Variants in ARMC9 observed in about 807,000 individuals in gnomAD.
ARMC9 encodes the protein lisH domain-containing protein ARMC9.
ARMC9 carries 94 observed loss-of-function variants against 107.0 expected under a neutral mutation model. That is an observed-to-expected ratio of 0.88 (90% CI 0.74 to 1.04). The LOEUF (loss-of-function observed/expected upper bound fraction) is 1.04. Ranked by LOEUF, ARMC9 falls within the 50% of genes least tolerant of loss-of-function variation. ARMC9 has a pLI of 0.00. For missense variants in ARMC9, 942 were observed against 1,030.1 expected, an observed-to-expected ratio of 0.91 and a Z score of 1.17; for synonymous variants, 380 against 396.9, an observed-to-expected ratio of 0.96 and a Z score of 0.51.
chr2:231,274,236 A>G (rs185999624), intron 14 of ARMC9, among the ~76,000 whole-genome samples: 2 of 152,000 alleles, frequency 1.3e-5, no homozygotes, highest in African/African-American at 4.8e-5. Flanking sequence ...TCCTGCCTCA[A>G]ACTCCTGGGT....
Position 231,276,624 on chromosome 2 carries a change from C to CT in ARMC9, c.1335-9dup. 1 of 1,614,114 alleles carries CT rather than the reference C, an allele frequency of 6.2e-7. No individual in the cohort carries two copies. Among genetic ancestry groups the CT allele is most frequent in the Non-Finnish European group, 8.5e-7 (1 of 1,180,010 alleles). ...TGGCAGTTTGTATTTACCGTAGGCT[C>CT]TTTCTTCCCAGGCGCCCGCTGCAGA... On this transcript the variant is annotated splice_polypyrimidine_tract_variant and intron_variant, in intron 14 of 24. Coordinates refer to ENST00000611582, the MANE Select transcript of ARMC9 (RefSeq NM_001352754.2).
At chr2:231,200,842 GAA>G (rs992109438) in intron 1 of ARMC9, among the ~76,000 whole-genome samples, 2 of 96,976 alleles carry the variant, frequency 2.1e-5, no homozygotes. Flanking sequence ...CTCAGAAAAA[GAA>G]AAAAAAAAAA....
At position 231,216,171 on chromosome 2, in the gene ARMC9, CT is replaced by C. The variant is rs138730436; in HGVS notation, c.349-463del. On this transcript the variant is annotated intron_variant, in intron 4 of 24. Coordinates refer to ENST00000611582, the MANE Select transcript of ARMC9 (RefSeq NM_001352754.2). ...AGAAAGGAAAGGAGTGACTTGGAAGCTTTTGTTTCCAACACCATAAAGAAAT... is the reference window on the plus strand; with the variant it reads ...AGAAAGGAAAGGAGTGACTTGGAAGCTTTGTTTCCAACACCATAAAGAAAT... 4.3e-3 allele frequency among the ~76,000 whole-genome samples: 658 copies of C among 152,296 alleles called. 2 individuals carry two copies. The highest frequency in any genetic ancestry group is 0.015 in the African/African-American group (642 of 41,556).
In ARMC9 at chr2:231,279,249, T is replaced by A. The variant is rs1275875007; in HGVS notation, c.1551+791T>A. On this transcript the variant is annotated intron_variant, in intron 16 of 24. Coordinates refer to ENST00000611582, the MANE Select transcript of ARMC9 (RefSeq NM_001352754.2). ...GGTGTTATTTTCTAAGTTTTTAACCTATGGGCCCCAAGCACTTTTTAAATA... is the reference window on the plus strand; with the variant it reads ...GGTGTTATTTTCTAAGTTTTTAACCAATGGGCCCCAAGCACTTTTTAAATA... 2.0e-5 allele frequency among the ~76,000 whole-genome samples: 3 copies of A among 152,246 alleles called. No homozygotes were observed. In the East Asian group the frequency reaches 5.8e-4, roughly 29 times the overall value.
intron 13 of ARMC9, among the ~76,000 whole-genome samples, chr2:231,272,240 G>T (rs1286285851): frequency 2.1e-5 from 3 of 143,152 alleles, no homozygotes; most frequent in Non-Finnish European, 4.5e-5. Context: ...AACCAGACTG[G>T]AGTACAGTGG....
chr2:231,271,095 A>G (rs2039293074), intron 13 of ARMC9, 23 bp downstream of exon 13: 1 of 1,611,100 alleles, frequency 6.2e-7, no homozygotes, highest in Non-Finnish European at 8.5e-7. Context: ...CTTTGCTTCA[A>G]AGATAAGAGC....
chr2:231,201,310 C>T (rs1020808343), intron 1 of ARMC9, among the ~76,000 whole-genome samples: 1 of 152,238 alleles, frequency 6.6e-6, no homozygotes, highest in Admixed American at 6.5e-5. Context: ...ATACCCCTTG[C>T]CAGCCCTCCC....
At position 231,292,833 on chromosome 2, in the gene ARMC9, G is replaced by C. The variant is rs141162710; in HGVS notation, c.1717+1390G>C. Among the ~76,000 whole-genome samples, 63 of 152,360 alleles carry C rather than the reference G, an allele frequency of 4.1e-4. 1 individual carries two copies. Among genetic ancestry groups the C allele is most frequent in the Non-Finnish European group, 7.9e-4 (54 of 68,044 alleles). ...CTTGGCCAAGGCCAGAAGCCCCCAGGTGGCCTTTCTTCTAGCTCAGGGTTC... is the reference window on the plus strand; with the variant it reads ...CTTGGCCAAGGCCAGAAGCCCCCAGCTGGCCTTTCTTCTAGCTCAGGGTTC... On this transcript the variant is annotated intron_variant, in intron 18 of 24. Coordinates refer to ENST00000611582, the MANE Select transcript of ARMC9 (RefSeq NM_001352754.2).
At chr2:231,237,965 C>G (rs1433219800) in intron 8 of ARMC9, among the ~76,000 whole-genome samples, 2 of 151,462 alleles carry the variant, frequency 1.3e-5, no homozygotes, top group Admixed American at 6.6e-5. Context: ...TCCAAAGTCT[C>G]AAAAGCCACA....
chr2:231,334,687 A>C (rs1035847932), intron 20 of ARMC9, among the ~76,000 whole-genome samples: 1 of 152,034 alleles, frequency 6.6e-6, no homozygotes, highest in Non-Finnish European at 1.5e-5. Context: ...CTGAGGCCGG[A>C]TGCACTCCCA....
intron 19 of ARMC9, among the ~76,000 whole-genome samples, chr2:231,311,192 G>C (rs986270807): frequency 2.0e-5 from 3 of 152,200 alleles, no homozygotes; most frequent in Non-Finnish European, 4.4e-5. Context: ...GCTGTGTGGG[G>C]AGGGACACTG....
chr2:231,214,885 T>C lies in ARMC9; in HGVS notation c.232T>C (p.Trp78Arg). The C allele has an allele frequency of 6.2e-7, 1 of 1,614,176 alleles. No individual in the cohort carries two copies. Among genetic ancestry groups the C allele is most frequent in the Non-Finnish European group, 8.5e-7 (1 of 1,180,030 alleles). The change falls in exon 4 of 25, where the codon TGG becomes CGG. Residue 78 changes from tryptophan to arginine, a missense_variant. Physicochemically the swap from Trp to Arg is moderately radical, Grantham distance 101. Coordinates refer to ENST00000611582, the MANE Select transcript of ARMC9 (RefSeq NM_001352754.2). ...NGDQKVFFDL[W>R]EEHISSSIRD... The stretch of plus-strand genomic sequence containing the variant: ...AGACCAGAAGGTGTTCTTCGATCTG[T>C]GGGAGGAGCACATTTCAAGTTCCAT...
chr2:231,319,591 A>T (rs1274262592), intron 19 of ARMC9, among the ~76,000 whole-genome samples: 1 of 151,890 alleles, frequency 6.6e-6, no homozygotes, highest in East Asian at 1.9e-4. Flanking sequence ...TCTCCCTTAC[A>T]CTTTGCTGTC....
At chr2:231,307,614 C>T (rs2042106574) in intron 19 of ARMC9, among the ~76,000 whole-genome samples, 1 of 152,196 alleles carries the variant, frequency 6.6e-6, no homozygotes, top group African/African-American at 2.4e-5. Context: ...AGTCTCATCT[C>T]CCTCTCCTCT....
chr2:231,362,209 C>T lies in ARMC9; in HGVS notation c.2261+1326C>T, dbSNP rs982343906. Among the ~76,000 whole-genome samples the T allele has an allele frequency of 2.6e-5, 4 of 152,148 alleles. No individual in the cohort carries two copies. Among genetic ancestry groups the T allele is most frequent in the Non-Finnish European group, 4.4e-5 (3 of 68,024 alleles). Reference sequence around the variant, plus strand: ...TTTCTGTGGCTGAAGAGGAGCTTGTCAGCTAGACCAGGGGTTCTCAGGCTC... The same window carrying T: ...TTTCTGTGGCTGAAGAGGAGCTTGTTAGCTAGACCAGGGGTTCTCAGGCTC... On this transcript the variant is annotated intron_variant, in intron 23 of 24. Coordinates refer to ENST00000611582, the MANE Select transcript of ARMC9 (RefSeq NM_001352754.2). This position sits in a 1 kb window ranked among gnomAD's most constrained non-coding sequence, Gnocchi z 4.7.
At position 231,360,996 on chromosome 2, in the gene ARMC9, C is replaced by A; in HGVS notation, c.2261+113C>A. 11 of 1,408,598 alleles carry A rather than the reference C, an allele frequency of 7.8e-6. No homozygotes were observed. Among genetic ancestry groups the A allele is most frequent in the Non-Finnish European group, 9.3e-6 (10 of 1,074,970 alleles). 87.3% of individuals were successfully genotyped at this position (1,408,598 alleles called of 1,614,324 possible). On this transcript the variant is annotated intron_variant, in intron 23 of 24. Coordinates refer to ENST00000611582, the MANE Select transcript of ARMC9 (RefSeq NM_001352754.2). This position sits in a 1 kb window ranked among gnomAD's most constrained non-coding sequence, Gnocchi z 4.7. ...CTGGAAGGCTCCTCTGAGGCCCAGC[C>A]TCTGACAGGGGAGGCTAAGGAGCAG...
chr2:231,209,355 G>A (rs571807728), intron 3 of ARMC9, among the ~76,000 whole-genome samples: 2 of 152,298 alleles, frequency 1.3e-5, no homozygotes, highest in East Asian at 1.9e-4. Context: ...CACTCCAGCT[G>A]TAGTGACAGA....
intron 12 of ARMC9, among the ~76,000 whole-genome samples, chr2:231,264,441 A>AG (rs1346199482): frequency 6.6e-6 from 1 of 151,550 alleles, no homozygotes; most frequent in East Asian, 2.0e-4. Flanking sequence ...AGCCTCCCAA[A>AG]GTGCTGGGAT....
At position 231,206,308 on chromosome 2, in the gene ARMC9, G is replaced by C; in HGVS notation, c.51+19G>C. On this transcript the variant is annotated intron_variant, in intron 2 of 24. Coordinates refer to ENST00000611582, the MANE Select transcript of ARMC9 (RefSeq NM_001352754.2). The stretch of plus-strand genomic sequence containing the variant: ...GAAAGAGGTAGGTATATTATACAAA[G>C]CAGAGGTCACAGAGAAACAGATCTT... 6.2e-7 allele frequency: 1 copy of C among 1,604,418 alleles called. No homozygotes were observed. Among genetic ancestry groups the C allele is most frequent in the Non-Finnish European group, 8.5e-7 (1 of 1,173,054 alleles).
Sources: allele counts gnomAD v4.1 joint callset (sites outside exome capture counted in the v4.1 genomes callset), GRCh38; gene constraint gnomAD v4.1.1; non-coding constraint Gnocchi (gnomAD v3.1); transcripts MANE v1.5; gene names NCBI Gene and HGNC (gene_info 2026-07-23, HGNC 2026-07-21).